Variants in EIF4G3 observed in about 807,000 individuals in gnomAD.
The protein encoded by EIF4G3 is eIF-4-gamma 3.
A neutral mutation model predicts 186.4 loss-of-function variants in EIF4G3; 34 were observed. That is an observed-to-expected ratio of 0.18 (90% confidence interval 0.14 to 0.24). EIF4G3 has a LOEUF of 0.24. Ranked by LOEUF, EIF4G3 falls within the 10% of genes least tolerant of loss-of-function variation. The pLI, the probability that EIF4G3 is intolerant of heterozygous loss-of-function variation, is 1.00. For synonymous variants in EIF4G3, 673 were observed against 679.5 expected, an observed-to-expected ratio of 0.99 and a Z score of 0.15; for missense variants, 1,536 against 1,948.5, an observed-to-expected ratio of 0.79 and a Z score of 3.99.
intron 4 of EIF4G3, among the ~76,000 whole-genome samples, chr1:21,035,794 CT>C (rs1448644988): frequency 3.3e-5 from 5 of 152,204 alleles, no homozygotes; most frequent in Non-Finnish European, 7.3e-5. Flanking sequence ...GAGGCCCCAC[CT>C]TTTGCCAGGG....
rs573788023 is a variant in EIF4G3, at chr1:20,983,177, C to T, written c.178-769G>A. On this transcript the variant is annotated intron_variant, in intron 7 of 36. Transcript: ENST00000602326. Reference sequence around the variant, plus strand: ...CAAGGCTCATCCCCATTCAGCCTTCCTACCCCATGGCAAAGATAGCCCTAA... The same window carrying T: ...CAAGGCTCATCCCCATTCAGCCTTCTTACCCCATGGCAAAGATAGCCCTAA... 3.3e-5 allele frequency among the ~76,000 whole-genome samples: 5 copies of T among 152,192 alleles called. No homozygotes were observed. The East Asian group carries it at 7.7e-4, about 24-fold the overall frequency.
At chr1:21,132,607 T>A (rs1039424463) in intron 2 of EIF4G3, among the ~76,000 whole-genome samples, 8 of 151,808 alleles carry the variant, frequency 5.3e-5, no homozygotes, top group Admixed American at 5.3e-4. Context: ...ACCAAGCATA[T>A]TTTTTATTTT....
At chr1:21,065,373 A>G (rs1192893707) in intron 3 of EIF4G3, among the ~76,000 whole-genome samples, 1 of 150,572 alleles carries the variant, frequency 6.6e-6, no homozygotes, top group African/African-American at 2.4e-5. Flanking sequence ...CAGCATCAAT[A>G]AAAGAGCATG....
At chr1:20,946,031 A>AT (rs1327358891) in intron 13 of EIF4G3, among the ~76,000 whole-genome samples, 1 of 152,238 alleles carries the variant, frequency 6.6e-6, no homozygotes, top group African/African-American at 2.4e-5. Context: ...TGGTGGAATC[A>AT]ATGACCAAGA....
In EIF4G3 at chr1:21,141,757, T is replaced by G. The variant is rs1463802581; in HGVS notation, c.-272+34418A>C. Among the ~76,000 whole-genome samples, 4 of 152,042 alleles carry G rather than the reference T, an allele frequency of 2.6e-5. No homozygotes were observed. The East Asian group carries it at 7.7e-4, about 29-fold the overall frequency. ...TAGCCTGGACAACATAGTGAGACCCTGACTCTACCAAAAATTTTTATAACT... is the reference window on the plus strand; with the variant it reads ...TAGCCTGGACAACATAGTGAGACCCGGACTCTACCAAAAATTTTTATAACT... On this transcript the variant is annotated intron_variant, in intron 2 of 36. Transcript: ENST00000602326.
At chr1:20,998,504 G>C (rs1351168873) in intron 6 of EIF4G3, among the ~76,000 whole-genome samples, 1 of 152,148 alleles carries the variant, frequency 6.6e-6, no homozygotes, top group Non-Finnish European at 1.5e-5. Flanking sequence ...TAGAGTACTT[G>C]AAAGTGGCTA....
chr1:20,998,921 A>C (rs1398173481), intron 6 of EIF4G3: 1 of 312,578 alleles, frequency 3.2e-6, no homozygotes, highest in Non-Finnish European at 6.5e-6. Context: ...TCCTTCTGTC[A>C]GCTTAACACT....
At chr1:21,173,127 G>T (rs1192672971) in intron 2 of EIF4G3, among the ~76,000 whole-genome samples, 1 of 92,098 alleles carries the variant, frequency 1.1e-5, no homozygotes, top group African/African-American at 4.3e-5. Flanking sequence ...AACAGAGCGA[G>T]ACTCAATCTC....
intron 18 of EIF4G3, among the ~76,000 whole-genome samples, chr1:20,892,207 A>G (rs902757173): frequency 6.6e-6 from 1 of 152,250 alleles, no homozygotes; most frequent in African/African-American, 2.4e-5. Flanking sequence ...CACCTTACAT[A>G]AAATGAAGTA....
intron 13 of EIF4G3, among the ~76,000 whole-genome samples, chr1:20,945,765 G>A (rs545535333): frequency 1.2e-4 from 19 of 152,264 alleles, no homozygotes; most frequent in East Asian, 1.9e-4. Context: ...GATTACAGGC[G>A]TGAGCCACTG....
intron 2 of EIF4G3, among the ~76,000 whole-genome samples, chr1:21,098,714 G>A (rs1035360387): frequency 6.6e-6 from 1 of 152,056 alleles, no homozygotes; most frequent in Non-Finnish European, 1.5e-5. Context: ...GCAGTTGCAG[G>A]ATCATGGCTC....
At chr1:20,900,555 T>C (rs969933835) in intron 15 of EIF4G3, among the ~76,000 whole-genome samples, 2 of 151,248 alleles carry the variant, frequency 1.3e-5, no homozygotes, top group African/African-American at 4.9e-5. Context: ...AAGAGAAATC[T>C]GGGTTATGGA....
At chr1:21,068,174 A>C (rs972751480) in intron 3 of EIF4G3, among the ~76,000 whole-genome samples, 2 of 151,730 alleles carry the variant, frequency 1.3e-5, no homozygotes, top group Non-Finnish European at 2.9e-5. Context: ...GGAGTTCAAG[A>C]CCAGCCTGGC....
intron 2 of EIF4G3, chr1:21,175,816 A>C (rs2098090023): frequency 1.3e-5 from 2 of 154,520 alleles, no homozygotes; most frequent in African/African-American, 4.8e-5. Flanking sequence ...CAACAACCAG[A>C]GAAAAGCCTT....
At chr1:21,120,782 A>T (rs937809356) in intron 2 of EIF4G3, among the ~76,000 whole-genome samples, 3 of 152,238 alleles carry the variant, frequency 2.0e-5, no homozygotes, top group Non-Finnish European at 2.9e-5. Context: ...ATCTCAACTC[A>T]CATTACTTAA....
chr1:20,950,863 A>G (rs760619967), intron 12 of EIF4G3, among the ~76,000 whole-genome samples: 5 of 152,192 alleles, frequency 3.3e-5, no homozygotes, highest in African/African-American at 4.8e-5. Flanking sequence ...AGGGAACAGA[A>G]TTACACAAGA....
rs2084913006 is a variant in EIF4G3 at position 20,888,407 on chromosome 1, CTG to C, written c.2254-2038_2254-2037del. Among the ~76,000 whole-genome samples, 3 of 152,234 alleles carry C rather than the reference CTG, an allele frequency of 2.0e-5. No individual in the cohort carries two copies. The South Asian group carries it at 6.2e-4, about 31-fold the overall frequency. ...TCTGGTTATAACTAAGATAAAGACA[CTG>C]TTCTCAAATATTTATCTAGCTATTA... On this transcript the variant is annotated intron_variant, in intron 18 of 36. Coordinates refer to ENST00000602326, the MANE Select transcript of EIF4G3 (RefSeq NM_001391906.1).
chr1:21,112,424 T>C (rs1169248775), intron 2 of EIF4G3, among the ~76,000 whole-genome samples: 1 of 152,200 alleles, frequency 6.6e-6, no homozygotes, highest in Non-Finnish European at 1.5e-5. Context: ...GTGAACTACA[T>C]TATCTTTTAG....
chr1:20,821,821 C>A (rs2062450474), intron 33 of EIF4G3, among the ~76,000 whole-genome samples: 1 of 152,034 alleles, frequency 6.6e-6, no homozygotes, highest in Non-Finnish European at 1.5e-5. Context: ...ATTATGTATA[C>A]ATCAGTTTTC....
Sources: gnomAD v4.1 joint callset for allele counts (sites outside exome capture counted in the v4.1 genomes callset) on GRCh38, gnomAD v4.1.1 for gene constraint, MANE v1.5 for transcripts, NCBI Gene and HGNC (gene_info 2026-07-23, HGNC 2026-07-21) for gene names.